RANBP9: variants seen among roughly 807,000 people sequenced by gnomAD.
RANBP9 encodes the protein ran-binding protein 9.
In RANBP9, 15 loss-of-function variants were observed where a neutral mutation model predicts 84.3. The ratio of observed to expected loss-of-function variants is 0.18; its 90% CI spans 0.12 to 0.27. The LOEUF is 0.27. RANBP9 is among the 10% of genes least tolerant of loss of function. The probability of loss-of-function intolerance (pLI) is 1.00; values close to 1 mark genes in which losing one functional copy is unlikely to be tolerated. For missense variants in RANBP9, 809 were observed against 912.8 expected (o/e 0.89, Z 1.46); for synonymous variants, 392 against 349.6 (o/e 1.12, Z -1.35).
intron 1 of RANBP9, among the ~76,000 whole-genome samples, chr6:13,698,685 A>G (rs1341420628): frequency 1.3e-5 from 2 of 152,226 alleles, no homozygotes; most frequent in Non-Finnish European, 2.9e-5. Flanking sequence ...GCACTGCTCT[A>G]AGAGCATTAA....
chr6:13,704,520 A>C (rs1313346726), intron 1 of RANBP9, among the ~76,000 whole-genome samples: 1 of 152,036 alleles, frequency 6.6e-6, no homozygotes, highest in East Asian at 1.9e-4. Flanking sequence ...AGTTGCAGCT[A>C]TTCAGGATGC....
At chr6:13,709,729 C>T (rs530578389) in intron 1 of RANBP9, among the ~76,000 whole-genome samples, 3 of 152,330 alleles carry the variant, frequency 2.0e-5, no homozygotes, top group Non-Finnish European at 4.4e-5. Context: ...GCAGCCAAAT[C>T]ATTTGGTAGA....
intron 10 of RANBP9, among the ~76,000 whole-genome samples, chr6:13,635,877 G>A (rs9370279): frequency 6.6e-6 from 1 of 150,726 alleles, no homozygotes; most frequent in Non-Finnish European, 1.5e-5. Flanking sequence ...ACACATTTAA[G>A]AGCCTCTGAG....
At chr6:13,662,269 C>A (rs1765552098) in intron 2 of RANBP9, among the ~76,000 whole-genome samples, 1 of 152,126 alleles carries the variant, frequency 6.6e-6, no homozygotes, top group African/African-American at 2.4e-5. Context: ...AAAAAATATC[C>A]ATGCTCAAAA....
intron 2 of RANBP9, among the ~76,000 whole-genome samples, chr6:13,660,087 G>T (rs1317816007): frequency 1.3e-5 from 2 of 152,112 alleles, no homozygotes; most frequent in Non-Finnish European, 2.9e-5. Flanking sequence ...ATAGCCAGCT[G>T]GACAGCCACA....
intron 1 of RANBP9, among the ~76,000 whole-genome samples, chr6:13,700,645 A>C (rs1313656042): frequency 6.6e-6 from 1 of 152,118 alleles, no homozygotes. Context: ...ACTCACGTTT[A>C]ATTATTTTTT....
chr6:13,661,098 TCTC>T (rs1765530344), intron 2 of RANBP9, among the ~76,000 whole-genome samples: 1 of 152,216 alleles, frequency 6.6e-6, no homozygotes, highest in Non-Finnish European at 1.5e-5. Context: ...GGAATAGCCT[TCTC>T]CTCTTGAAAG....
chr6:13,704,845 A>C (rs1758061296), intron 1 of RANBP9, among the ~76,000 whole-genome samples: 1 of 152,042 alleles, frequency 6.6e-6, no homozygotes, highest in South Asian at 2.1e-4. Context: ...CTCCTCCAAG[A>C]AGCTATCCCT....
At chr6:13,672,968 AAAG>A (rs1327553207) in intron 2 of RANBP9, among the ~76,000 whole-genome samples, 3 of 152,134 alleles carry the variant, frequency 2.0e-5, no homozygotes, top group African/African-American at 7.2e-5. Flanking sequence ...GAGAAGAAAC[AAAG>A]AAAATGAAGT....
intron 13 of RANBP9, among the ~76,000 whole-genome samples, chr6:13,622,702 A>C (rs1420220465): frequency 6.6e-6 from 1 of 152,234 alleles, no homozygotes; most frequent in Admixed American, 6.5e-5. Context: ...ATTCAACTAT[A>C]AGATAAACTC....
intron 1 of RANBP9, among the ~76,000 whole-genome samples, chr6:13,704,396 G>A (rs1313897923): frequency 6.6e-6 from 1 of 152,164 alleles, no homozygotes; most frequent in Non-Finnish European, 1.5e-5. Flanking sequence ...GGGAGGCTAA[G>A]GCAGGCAGAT....
intron 4 of RANBP9, 83 bp from the exon 5 acceptor site, chr6:13,652,764 G>A: frequency 2.6e-6 from 3 of 1,170,902 alleles, no homozygotes; most frequent in African/African-American, 1.6e-5. Context: ...ACTAAAAGGA[G>A]GAAACAAATG....
At position 13,631,656 on chromosome 6, in the gene RANBP9, G is replaced by T; in HGVS notation, c.1947+714C>A. On this transcript the variant is annotated intron_variant, in intron 12 of 13. Coordinates refer to ENST00000011619, the MANE Select transcript of RANBP9 (RefSeq NM_005493.3). ...TGCATTCATCTCCCCTTTAATTTCA[G>T]TCTTCTTCCAAAATATTCAGAAGAA... Among the ~76,000 whole-genome samples the T allele has an allele frequency of 1.3e-5, 2 of 152,110 alleles. 1 individual carries two copies. The highest frequency in any genetic ancestry group is 1.3e-4 in the Admixed American group (2 of 15,276).
chr6:13,700,061 A>G (rs572369916), intron 1 of RANBP9, among the ~76,000 whole-genome samples: 1 of 152,260 alleles, frequency 6.6e-6, no homozygotes, highest in Admixed American at 6.5e-5. Context: ...TAAAACTACA[A>G]AGTCTTCAGT....
At chr6:13,672,955 AAGG>A (rs1309022896) in intron 2 of RANBP9, among the ~76,000 whole-genome samples, 2 of 152,116 alleles carry the variant, frequency 1.3e-5, no homozygotes, top group African/African-American at 2.4e-5. Flanking sequence ...GTAATGCTAG[AAGG>A]AGAAGAAACA....
intron 8 of RANBP9, 26 bp downstream of exon 8, chr6:13,641,173 T>C (rs752033497): frequency 1.6e-6 from 2 of 1,272,926 alleles, no homozygotes; most frequent in Non-Finnish European, 1.1e-6. Context: ...ATATAACAAA[T>C]ATAGCATTTT....
chr6:13,646,738 C>G (rs1765182458), intron 5 of RANBP9, among the ~76,000 whole-genome samples: 1 of 151,860 alleles, frequency 6.6e-6, no homozygotes, highest in South Asian at 2.1e-4. Flanking sequence ...ATGGCAAAGA[C>G]AAATGACTCT....
Position 13,655,811 on chromosome 6 carries a change from A to G in RANBP9, c.904+1298T>C, listed in dbSNP as rs139429209. Among the ~76,000 whole-genome samples, 406 of 152,346 alleles carry G rather than the reference A, an allele frequency of 2.7e-3. 2 individuals are homozygous for G. The highest frequency in any genetic ancestry group is 9.5e-3 in the African/African-American group (395 of 41,572). On this transcript the variant is annotated intron_variant, in intron 4 of 13. Coordinates refer to ENST00000011619, the MANE Select transcript of RANBP9 (RefSeq NM_005493.3). Reference sequence around the variant, plus strand: ...TCCAACATCTTAAGCAGTCAAGCCAACTAAGATTATATGAACAGTCAGAAT... The same window carrying G: ...TCCAACATCTTAAGCAGTCAAGCCAGCTAAGATTATATGAACAGTCAGAAT...
chr6:13,630,331 A>G (rs563850469), intron 12 of RANBP9, among the ~76,000 whole-genome samples: 5 of 152,320 alleles, frequency 3.3e-5, no homozygotes, highest in South Asian at 2.1e-4. Flanking sequence ...TAACCAAGGA[A>G]TATCTTTGAG....
Sources: allele counts gnomAD v4.1 joint callset (sites outside exome capture counted in the v4.1 genomes callset), GRCh38; gene constraint gnomAD v4.1.1; transcripts MANE v1.5; gene names NCBI Gene and HGNC (gene_info 2026-07-23, HGNC 2026-07-21).